The following NDUFA13 variants were observed in gnomAD, a reference collection of about 807,000 sequenced individuals.
NDUFA13 encodes the protein NADH:ubiquinone oxidoreductase subunit A13.
Under a neutral mutation model 17.0 loss-of-function variants are expected in NDUFA13, and 16 were observed. That is an observed-to-expected ratio of 0.94 (90% CI 0.64 to 1.43). The LOEUF is 1.43. Among genes scored for constraint, NDUFA13 ranks in the 40% most tolerant of loss-of-function variants. The probability of loss-of-function intolerance (pLI) is 0.00; values close to 1 mark genes in which losing one functional copy is unlikely to be tolerated. For synonymous variants in NDUFA13, 87 were observed against 78.4 expected (o/e 1.11, Z -0.58); for missense variants, 228 against 206.7 (o/e 1.10, Z -0.63).
At position 19,528,161 on chromosome 19, in the gene NDUFA13, C is replaced by T. The variant is rs1279282779; in HGVS notation, c.*35C>T. The T allele has an allele frequency of 1.2e-6, 2 of 1,609,850 alleles. No individual in the cohort carries two copies. The highest frequency in any genetic ancestry group is 2.2e-5 in the East Asian group (1 of 44,880). On this transcript the variant is annotated 3_prime_UTR_variant, in exon 5 of 5. Transcript: ENST00000507754. ...CCTCCGGCCACCTGGATCCCTGCCC[C>T]TCCCCACTGGGACGGAATAAATGCT...
chr19:19,527,444 C>A, intron 3 of NDUFA13, 92 bp downstream of exon 3: 1 of 1,444,960 alleles, frequency 6.9e-7, no homozygotes, highest in Non-Finnish European at 9.7e-7. Context: ...GGCCAGAATG[C>A]ACGTGGGGGC....
At chr19:19,516,950 G>A (rs1363789314) in intron 1 of NDUFA13, among the ~76,000 whole-genome samples, 1 of 151,878 alleles carries the variant, frequency 6.6e-6, no homozygotes, top group Non-Finnish European at 1.5e-5. Flanking sequence ...ACAACGCCTG[G>A]CTAACTTTGT....
chr19:19,524,686 G>T (rs2061092680), intron 1 of NDUFA13, among the ~76,000 whole-genome samples: 1 of 152,048 alleles, frequency 6.6e-6, no homozygotes, highest in South Asian at 2.1e-4. Context: ...GGCGCCTGTA[G>T]TCCCAACTAC....
At chr19:19,519,063 G>GT (rs1555726227) in intron 1 of NDUFA13, among the ~76,000 whole-genome samples, 1 of 55,394 alleles carries the variant, frequency 1.8e-5, no homozygotes, top group African/African-American at 9.6e-5. Context: ...TTTTTTTTTT[G>GT]TATTTTTAGT....
intron 1 of NDUFA13, among the ~76,000 whole-genome samples, chr19:19,521,161 G>A (rs2061075427): frequency 6.6e-6 from 1 of 152,186 alleles, no homozygotes; most frequent in Non-Finnish European, 1.5e-5. Flanking sequence ...TGCAATGTAT[G>A]AGAGTCCCAA....
At chr19:19,522,573 G>A (rs1322728338) in intron 1 of NDUFA13, among the ~76,000 whole-genome samples, 2 of 142,770 alleles carry the variant, frequency 1.4e-5, no homozygotes, top group Non-Finnish European at 3.0e-5. Context: ...CCGCCTCCCG[G>A]GTTCACGCCA....
chr19:19,517,350 G>A (rs908886496), intron 1 of NDUFA13, among the ~76,000 whole-genome samples: 43 of 151,206 alleles, frequency 2.8e-4, no homozygotes, highest in Middle Eastern at 3.4e-3. Flanking sequence ...AGCCTCCTGA[G>A]AAGCTGGGAT....
At chr19:19,527,151 G>GCCCC in intron 2 of NDUFA13, 130 bp from the exon 3 acceptor site, 2 of 889,716 alleles carry the variant, frequency 2.2e-6, no homozygotes, top group Non-Finnish European at 1.7e-6. Flanking sequence ...CCCTCGCCCT[G>GCCCC]CCCCCTGCCT....
intron 1 of NDUFA13, among the ~76,000 whole-genome samples, chr19:19,520,754 G>A (rs542547679): frequency 1.3e-5 from 2 of 152,132 alleles, no homozygotes; most frequent in East Asian, 1.9e-4. Flanking sequence ...AAGAAACCCC[G>A]TCTTCCCTAT....
intron 4 of NDUFA13, 99 bp downstream of exon 4, chr19:19,527,869 G>C (rs761208350): frequency 1.4e-6 from 2 of 1,474,392 alleles, no homozygotes; most frequent in East Asian, 2.4e-5. Flanking sequence ...CCAGGACCAA[G>C]GGGGTGGTGG....
intron 1 of NDUFA13, among the ~76,000 whole-genome samples, chr19:19,519,322 G>C (rs925847525): frequency 2.6e-5 from 4 of 152,154 alleles, no homozygotes; most frequent in Admixed American, 6.5e-5. Flanking sequence ...AGGCCTGGAG[G>C]CTCCCTGAGC....
At chr19:19,525,779 G>T (rs2061096880) in intron 1 of NDUFA13, among the ~76,000 whole-genome samples, 1 of 152,144 alleles carries the variant, frequency 6.6e-6, no homozygotes, top group Non-Finnish European at 1.5e-5. Flanking sequence ...TGGCTGGGCA[G>T]CCCCCACAGG....
intron 1 of NDUFA13, among the ~76,000 whole-genome samples, chr19:19,524,439 G>A (rs1007361425): frequency 2.0e-5 from 3 of 152,246 alleles, no homozygotes; most frequent in Non-Finnish European, 2.9e-5. Context: ...GTGTGAGGGT[G>A]CAGGTTCTCC....
rs1047735537 is a variant in NDUFA13, at chr19:19,527,174, C to G, written c.174-107C>G. The G allele has an allele frequency of 1.4e-5, 16 of 1,171,622 alleles. No homozygotes were observed. In the Admixed American group the frequency reaches 2.8e-4, roughly 21 times the overall value. 72.6% of individuals were successfully genotyped at this position (1,171,622 alleles called of 1,614,324 possible). ...CTGCCCCCTGCCTGCCTCCCCGCCCCCCTCCGCCTCTTCCCCCAGCAGCAC... is the reference window on the plus strand; with the variant it reads ...CTGCCCCCTGCCTGCCTCCCCGCCCGCCTCCGCCTCTTCCCCCAGCAGCAC... On this transcript the variant is annotated intron_variant, in intron 2 of 4. Transcript: ENST00000507754.
chr19:19,521,858 T>C (rs1224624330), intron 1 of NDUFA13, among the ~76,000 whole-genome samples: 2 of 151,984 alleles, frequency 1.3e-5, no homozygotes, highest in African/African-American at 4.8e-5. Context: ...CGCCTCGGCC[T>C]CCCAAAGTGC....
At chr19:19,519,859 G>A (rs1050619439) in intron 1 of NDUFA13, among the ~76,000 whole-genome samples, 8 of 152,104 alleles carry the variant, frequency 5.3e-5, no homozygotes, top group Non-Finnish European at 8.8e-5. Context: ...CCTGTCCAAG[G>A]CCTGGTGGCC....
At chr19:19,516,514 C>T (rs1459637183) in intron 1 of NDUFA13, among the ~76,000 whole-genome samples, 182 bp downstream of exon 1, 1 of 152,222 alleles carries the variant, frequency 6.6e-6, no homozygotes, top group African/African-American at 2.4e-5. Context: ...TTCCCAGCTC[C>T]TCTTCCTTCT....
chr19:19,521,387 TTTA>T (rs1487649165), intron 1 of NDUFA13, among the ~76,000 whole-genome samples: 1 of 152,300 alleles, frequency 6.6e-6, no homozygotes, highest in African/African-American at 2.4e-5. Context: ...ATTTTTATTT[TTTA>T]TTATTTTTTT....
intron 1 of NDUFA13, among the ~76,000 whole-genome samples, chr19:19,517,384 G>A (rs2055170468): frequency 6.6e-6 from 1 of 151,646 alleles, no homozygotes. Flanking sequence ...CCAGCTTTCT[G>A]TATTTTCTAT....
Sources: gnomAD v4.1 joint callset for allele counts (sites outside exome capture counted in the v4.1 genomes callset) on GRCh38, gnomAD v4.1.1 for gene constraint, MANE v1.5 for transcripts, NCBI Gene and HGNC (gene_info 2026-07-23, HGNC 2026-07-21) for gene names.